The following CDRT4 variants were observed in gnomAD, a reference collection of about 807,000 sequenced individuals.
The protein encoded by CDRT4 is CMT1A duplicated region transcript 4.
For synonymous variants in CDRT4, 64 were observed against 69.6 expected, an observed-to-expected ratio of 0.92 and a Z score of 0.40; for missense variants, 167 against 193.1, an observed-to-expected ratio of 0.87 and a Z score of 0.80.
rs188731494 is a variant in CDRT4, at chr17:15,464,604, G to A, written c.-130+2856C>T. On this transcript the variant is annotated intron_variant, in intron 1 of 3. Transcript: ENST00000619038. The surrounding 1 kb of genome is among the most constrained non-coding windows in gnomAD (Gnocchi z 4.5). Reference sequence around the variant, plus strand: ...CCAATCTCTGCTGGTGCACCTCCCTGGCAGCTTCCCTCTGCTCCCCTCTCC... The same window carrying A: ...CCAATCTCTGCTGGTGCACCTCCCTAGCAGCTTCCCTCTGCTCCCCTCTCC... Among the ~76,000 whole-genome samples, 112 of 152,058 alleles carry A rather than the reference G, an allele frequency of 7.4e-4. No individual in the cohort carries two copies. The highest frequency in any genetic ancestry group is 1.3e-3 in the Non-Finnish European group (87 of 67,966).
chr17:15,447,517 C>T (rs879679449), intron 2 of CDRT4, among the ~76,000 whole-genome samples: 7 of 152,214 alleles, frequency 4.6e-5, no homozygotes, highest in Non-Finnish European at 1.0e-4. Flanking sequence ...AGTGTGTTTT[C>T]TGCATGTGAA....
chr17:15,438,007 C>T lies in CDRT4; in HGVS notation c.225G>A (p.Gln75=), dbSNP rs370092119. 4.5e-5 allele frequency: 73 copies of T among 1,614,068 alleles called. No homozygotes were observed. The highest frequency in any genetic ancestry group is 5.9e-5 in the Non-Finnish European group (70 of 1,180,042). The change falls in exon 4 of 4, where the codon CAG becomes CAA. Residue 75 remains glutamine, a synonymous_variant. Transcript: ENST00000619038. ...ACTTGGAAGACTTCCTCCTTTTCGG[C>T]TGAATGACGCTGGAAGGTTTATTCT... ...SRQNKPSSVI[Q]PKRRKSSKSS...
chr17:15,465,557 A>C (rs1979997175), intron 1 of CDRT4, among the ~76,000 whole-genome samples: 1 of 151,140 alleles, frequency 6.6e-6, no homozygotes, highest in African/African-American at 2.4e-5. Context: ...AAACACACAC[A>C]ACAAAGACAC....
intron 2 of CDRT4, among the ~76,000 whole-genome samples, chr17:15,447,468 C>T (rs1284406357): frequency 6.6e-6 from 1 of 152,228 alleles, no homozygotes; most frequent in African/African-American, 2.4e-5. Context: ...GATCCATGTT[C>T]TTCTTCCAGC....
At chr17:15,442,392 G>A (rs1978805322) in intron 2 of CDRT4, among the ~76,000 whole-genome samples, 1 of 151,004 alleles carries the variant, frequency 6.6e-6, no homozygotes, top group South Asian at 2.1e-4. Flanking sequence ...CCTGGGCAAA[G>A]GAGTGAGACT....
intron 2 of CDRT4, chr17:15,444,298 T>A (rs1978916819): frequency 8.2e-6 from 4 of 487,280 alleles, no homozygotes; most frequent in Non-Finnish European, 1.5e-5. Context: ...GGAAAAAAAA[T>A]GTCTGGAAAT....
chr17:15,449,207 A>G (rs1460824509), intron 2 of CDRT4, among the ~76,000 whole-genome samples: 2 of 152,176 alleles, frequency 1.3e-5, no homozygotes, highest in Non-Finnish European at 2.9e-5. Flanking sequence ...AACAGCTAAC[A>G]TTTCTATGCC....
chr17:15,457,320 G>A (rs1979531325), intron 1 of CDRT4, among the ~76,000 whole-genome samples: 1 of 152,186 alleles, frequency 6.6e-6, no homozygotes, highest in East Asian at 1.9e-4. Context: ...AACTCAGCTT[G>A]TTCTCATTCC....
chr17:15,450,327 C>G lies in CDRT4; in HGVS notation c.-48+2677G>C, dbSNP rs1240878334. ...CAACTCTCCACCATAAGCTCCCCTG[C>G]ACTATGCCTTCCTTCCCACTACTAT... On this transcript the variant is annotated intron_variant, in intron 2 of 3. Transcript: ENST00000619038. This position sits in a 1 kb window ranked among gnomAD's most constrained non-coding sequence, Gnocchi z 4.2. 6.6e-6 allele frequency among the ~76,000 whole-genome samples: 1 copy of G among 152,162 alleles called. No individual in the cohort carries two copies. Among genetic ancestry groups the G allele is most frequent in the Non-Finnish European group, 1.5e-5 (1 of 68,026 alleles).
chr17:15,451,243 ACGTG>A (rs1339468189), intron 2 of CDRT4, among the ~76,000 whole-genome samples: 1 of 152,122 alleles, frequency 6.6e-6, no homozygotes, highest in African/African-American at 2.4e-5. Flanking sequence ...GCCATGTAAG[ACGTG>A]CTTTGCTTCT....
intron 3 of CDRT4, 103 bp from the exon 4 acceptor site, chr17:15,438,303 C>T (rs1231915173): frequency 8.7e-6 from 9 of 1,037,550 alleles, no homozygotes; most frequent in African/African-American, 3.2e-5. Context: ...GAAGTCCTCC[C>T]TATTTTGCAC....
chr17:15,449,621 T>A (rs1979177178), intron 2 of CDRT4, among the ~76,000 whole-genome samples: 1 of 152,176 alleles, frequency 6.6e-6, no homozygotes, highest in South Asian at 2.1e-4. Context: ...GTATATCGTG[T>A]CATGGTGGGC....
intron 1 of CDRT4, among the ~76,000 whole-genome samples, chr17:15,466,601 T>C (rs571830204): frequency 3.3e-5 from 5 of 152,312 alleles, no homozygotes; most frequent in Admixed American, 6.5e-5. Context: ...CATGGCTCAC[T>C]GCAGCCTCAA....
At chr17:15,465,061 A>AAC (rs368404525) in intron 1 of CDRT4, among the ~76,000 whole-genome samples, 2 of 149,510 alleles carry the variant, frequency 1.3e-5, no homozygotes, top group Non-Finnish European at 3.0e-5. Context: ...GACACACACC[A>AAC]ACACAGACAC....
Position 15,450,487 on chromosome 17 carries a change from A to C in CDRT4, c.-48+2517T>G, listed in dbSNP as rs1979210858. On this transcript the variant is annotated intron_variant, in intron 2 of 3. Coordinates refer to ENST00000619038, the MANE Select transcript of CDRT4 (RefSeq NM_001204477.2). The surrounding 1 kb of genome is among the most constrained non-coding windows in gnomAD (Gnocchi z 4.2). Reference sequence around the variant, plus strand: ...TCTCACATTCTTGAAATGTTCTCCCACCTGGTTTCCATGATGCCACAGGAG... The same window carrying C: ...TCTCACATTCTTGAAATGTTCTCCCCCCTGGTTTCCATGATGCCACAGGAG... Among the ~76,000 whole-genome samples, 1 of 151,712 alleles carries C rather than the reference A, an allele frequency of 6.6e-6. No homozygotes were observed.
rs374091113 is a variant in CDRT4, at chr17:15,448,512, G to A, written c.-48+4492C>T. 9.2e-5 allele frequency among the ~76,000 whole-genome samples: 14 copies of A among 152,298 alleles called. No individual in the cohort carries two copies. In the South Asian group the frequency reaches 1.5e-3, roughly 16 times the overall value. Reference sequence around the variant, plus strand: ...AAATCTGAAAAGCTGAGGGTAAGAAGCTGAAATGTGGAGACACACACCCTC... The same window carrying A: ...AAATCTGAAAAGCTGAGGGTAAGAAACTGAAATGTGGAGACACACACCCTC... On this transcript the variant is annotated intron_variant, in intron 2 of 3. Coordinates refer to ENST00000619038, the MANE Select transcript of CDRT4 (RefSeq NM_001204477.2).
At chr17:15,449,664 T>C (rs529793605) in intron 2 of CDRT4, among the ~76,000 whole-genome samples, 1 of 152,318 alleles carries the variant, frequency 6.6e-6, no homozygotes, top group African/African-American at 2.4e-5. Flanking sequence ...ACCCAAAATA[T>C]TGAACTTTGT....
chr17:15,440,937 G>C (rs566672294), intron 2 of CDRT4, among the ~76,000 whole-genome samples: 15 of 152,222 alleles, frequency 9.9e-5, no homozygotes, highest in Admixed American at 4.6e-4. Flanking sequence ...TTTAGCAACC[G>C]CTGTTTTAAG....
At chr17:15,438,330 G>T in intron 3 of CDRT4, 130 bp from the exon 4 acceptor site, 6 of 780,336 alleles carry the variant, frequency 7.7e-6, no homozygotes, top group Non-Finnish European at 1.2e-5. Context: ...TATTCAGTAG[G>T]AATAAAATCC....
Sources: allele counts gnomAD v4.1 joint callset (sites outside exome capture counted in the v4.1 genomes callset), GRCh38; gene constraint gnomAD v4.1.1; non-coding constraint Gnocchi (gnomAD v3.1); transcripts MANE v1.5; gene names NCBI Gene and HGNC (gene_info 2026-07-23, HGNC 2026-07-21).